Variants in NLN observed in about 807,000 individuals in gnomAD.
The protein encoded by NLN is neurolysin.
In NLN, 64 loss-of-function variants were observed where a neutral mutation model predicts 79.9. The observed-to-expected ratio is 0.80, with a 90% confidence interval of 0.65 to 0.99. The LOEUF (loss-of-function observed/expected upper bound fraction) is 0.99, where lower values mean the gene tolerates loss of function less well. NLN is among the 50% of genes least tolerant of loss of function. The pLI, the probability that NLN is intolerant of heterozygous loss-of-function variation, is 0.00. For missense variants in NLN, 835 were observed against 858.7 expected, an observed-to-expected ratio of 0.97 and a Z score of 0.34; for synonymous variants, 267 against 296.6, an observed-to-expected ratio of 0.90 and a Z score of 1.02.
intron 3 of NLN, among the ~76,000 whole-genome samples, chr5:65,772,712 T>G (rs1759594051): frequency 6.6e-6 from 1 of 151,946 alleles, no homozygotes; most frequent in South Asian, 2.1e-4. Context: ...TGTTTTGTTT[T>G]TTGTTTGTTT....
chr5:65,728,048 G>A (rs947959898), intron 1 of NLN, among the ~76,000 whole-genome samples: 3 of 152,124 alleles, frequency 2.0e-5, no homozygotes, highest in Non-Finnish European at 2.9e-5. Context: ...GATTATAGGC[G>A]TGAGCCACTG....
At chr5:65,804,679 C>G (rs1468983033) in intron 9 of NLN, among the ~76,000 whole-genome samples, 1 of 152,112 alleles carries the variant, frequency 6.6e-6, no homozygotes, top group Non-Finnish European at 1.5e-5. Context: ...CAGGCACATA[C>G]CACCACACCC....
chr5:65,726,111 C>CA (rs60073030), intron 1 of NLN, among the ~76,000 whole-genome samples: 5,556 of 120,814 alleles, frequency 0.046, 190 homozygotes, highest in African/African-American at 0.087. Flanking sequence ...GACTCCGTCT[C>CA]AAAAAAAAAA....
Position 65,785,845 on chromosome 5 carries a change from C to T in NLN, c.893C>T (p.Thr298Ile), listed in dbSNP as rs1374312060. ...GTGGCCAAACTACTCGGTTATAGCACACATGCTGACTTCGTCCTTGAAATG... is the reference window on the plus strand; with the variant it reads ...GTGGCCAAACTACTCGGTTATAGCATACATGCTGACTTCGTCCTTGAAATG... ...TKVAKLLGYS[T>I]HADFVLEMNT... The change falls in exon 7 of 13, where the codon ACA becomes ATA. Residue 298 changes from threonine (T) to isoleucine (I), a missense_variant. By Grantham distance (89) the Thr-to-Ile change is moderately conservative. Transcript: ENST00000380985. 1.2e-6 allele frequency: 2 copies of T among 1,613,846 alleles called. No homozygotes were observed. Among genetic ancestry groups the T allele is most frequent in the Non-Finnish European group, 1.7e-6 (2 of 1,179,816 alleles).
intron 1 of NLN, among the ~76,000 whole-genome samples, chr5:65,726,728 A>G (rs1189657272): frequency 1.3e-5 from 2 of 152,368 alleles, no homozygotes; most frequent in Middle Eastern, 3.4e-3. Flanking sequence ...AATTTGTTAC[A>G]TAAGGGCATA....
At position 65,722,478 on chromosome 5, in the gene NLN, C is replaced by T. The variant is rs979145699; in HGVS notation, c.41+64C>T. ...GGCGGGGTCTTTCGCCGTGTGGTGC[C>T]TGGAGCCCGGACCCACCCCTTCCCG... is the stretch of plus-strand genomic sequence containing the variant. On this transcript the variant is annotated intron_variant, in intron 1 of 12. Coordinates refer to ENST00000380985, the MANE Select transcript of NLN (RefSeq NM_020726.5). 12 of 1,437,626 alleles carry T rather than the reference C, an allele frequency of 8.3e-6. No homozygotes were observed. In the African/African-American group the frequency reaches 1.7e-4, roughly 21 times the overall value. 89.1% of individuals were successfully genotyped at this position (1,437,626 alleles called of 1,614,324 possible). A position where few individuals can be genotyped will look rare whatever the true frequency, so the allele number is the denominator to read the frequency against.
At chr5:65,760,688 T>C (rs1236383929) in intron 2 of NLN, among the ~76,000 whole-genome samples, 2 of 152,124 alleles carry the variant, frequency 1.3e-5, no homozygotes, top group African/African-American at 4.8e-5. Flanking sequence ...AATTTTTACA[T>C]TTTGTGTGGA....
intron 12 of NLN, among the ~76,000 whole-genome samples, chr5:65,819,683 CT>C (rs980000117): frequency 2.2e-4 from 33 of 152,276 alleles, no homozygotes; most frequent in African/African-American, 7.2e-4. Flanking sequence ...CTTAGAGCTT[CT>C]TTTCTTGATT....
intron 1 of NLN, among the ~76,000 whole-genome samples, chr5:65,723,275 C>T (rs896628339): frequency 6.6e-6 from 1 of 152,216 alleles, no homozygotes; most frequent in African/African-American, 2.4e-5. Context: ...CTACAGTTCC[C>T]TTTTGCACAT....
chr5:65,736,411 G>A (rs981605215), intron 1 of NLN, among the ~76,000 whole-genome samples: 16 of 152,168 alleles, frequency 1.1e-4, no homozygotes, highest in African/African-American at 3.9e-4. Context: ...TGATACATAT[G>A]TGTAAGAGTA....
chr5:65,771,481 C>T (rs935855747), intron 3 of NLN, among the ~76,000 whole-genome samples: 1 of 152,168 alleles, frequency 6.6e-6, no homozygotes, highest in African/African-American at 2.4e-5. Context: ...GAAATAGAGG[C>T]TGAATTATGC....
chr5:65,819,218 G>A (rs897037652), intron 12 of NLN, among the ~76,000 whole-genome samples: 2 of 152,146 alleles, frequency 1.3e-5, no homozygotes, highest in African/African-American at 4.8e-5. Flanking sequence ...CTGTATATAA[G>A]TAACTGAGCT....
In NLN at chr5:65,722,299, C is replaced by T. The variant is rs2548786; in HGVS notation, c.-75C>T. On this transcript the variant is annotated 5_prime_UTR_variant, in exon 1 of 13. Transcript: ENST00000380985. The stretch of plus-strand genomic sequence containing the variant: ...GGCCGGCTCGAGACTCCCGGGCGCC[C>T]AGGCGCTGCCGCCCGCCTCGCCGCC... The T allele has an allele frequency of 7.1e-6, 9 of 1,263,422 alleles. No individual in the cohort carries two copies. Among genetic ancestry groups the T allele is most frequent in the South Asian group, 2.9e-5 (2 of 69,184 alleles). The allele number at this position is 1,263,422 out of a possible 1,614,324, so 78.3% of individuals were successfully genotyped here.
intron 2 of NLN, among the ~76,000 whole-genome samples, chr5:65,759,678 C>A (rs889779282): frequency 2.0e-5 from 3 of 151,976 alleles, no homozygotes; most frequent in African/African-American, 7.3e-5. Flanking sequence ...GTCTTTTAGG[C>A]CCTAAACTGT....
chr5:65,796,340 G>A (rs1760173172), intron 9 of NLN, among the ~76,000 whole-genome samples: 1 of 152,120 alleles, frequency 6.6e-6, no homozygotes, highest in African/African-American at 2.4e-5. Context: ...CATTAATTGT[G>A]ATCTTTTGAG....
At chr5:65,786,036 C>T (rs1759914099) in intron 7 of NLN, 126 bp downstream of exon 7, 1 of 813,732 alleles carries the variant, frequency 1.2e-6, no homozygotes, top group Non-Finnish European at 1.9e-6. Flanking sequence ...GTATATTGAT[C>T]ACCTATTAAG....
At chr5:65,775,878 G>T (rs747453834) in intron 3 of NLN, among the ~76,000 whole-genome samples, 1 of 152,204 alleles carries the variant, frequency 6.6e-6, no homozygotes, top group Non-Finnish European at 1.5e-5. Context: ...GTAGAAAAAG[G>T]AGCCTAACTA....
At chr5:65,732,674 G>A (rs1468303268) in intron 1 of NLN, among the ~76,000 whole-genome samples, 1 of 144,010 alleles carries the variant, frequency 6.9e-6, no homozygotes, top group African/African-American at 2.6e-5. Context: ...TTGCAGACAG[G>A]TGGCCCTAGC....
chr5:65,768,159 G>A (rs1435287617), intron 3 of NLN, among the ~76,000 whole-genome samples: 1 of 152,070 alleles, frequency 6.6e-6, no homozygotes, highest in South Asian at 2.1e-4. Flanking sequence ...CTTTATAGCA[G>A]TACCCTACTA....
Sources: allele counts gnomAD v4.1 joint callset (sites outside exome capture counted in the v4.1 genomes callset), GRCh38; gene constraint gnomAD v4.1.1; transcripts MANE v1.5; gene names NCBI Gene and HGNC (gene_info 2026-07-23, HGNC 2026-07-21).